Variants in BMPER observed in about 807,000 individuals in gnomAD.
The protein encoded by BMPER is BMP-binding endothelial regulator protein.
BMPER carries 45 observed loss-of-function variants against 87.3 expected under a neutral mutation model. That is an observed-to-expected ratio of 0.52 (90% CI 0.41 to 0.66). The LOEUF (loss-of-function observed/expected upper bound fraction) is 0.66, where lower values mean the gene tolerates loss of function less well. Ranked by LOEUF, BMPER falls within the 30% of genes least tolerant of loss-of-function variation. The pLI is 0.00. For synonymous variants in BMPER, 326 were observed against 316.2 expected, an observed-to-expected ratio of 1.03 and a Z score of -0.33; for missense variants, 784 against 867.5, an observed-to-expected ratio of 0.90 and a Z score of 1.21.
chr7:34,001,350 G>A (rs936524322), intron 6 of BMPER, among the ~76,000 whole-genome samples: 1 of 151,716 alleles, frequency 6.6e-6, no homozygotes, highest in Admixed American at 6.6e-5. Flanking sequence ...TCTTCATATG[G>A]CATGAATATG....
chr7:34,039,793 G>A (rs936555861), intron 6 of BMPER, among the ~76,000 whole-genome samples: 2 of 152,060 alleles, frequency 1.3e-5, no homozygotes, highest in Non-Finnish European at 2.9e-5. Context: ...GGCAGTAAGT[G>A]CACTGCCCTC....
intron 13 of BMPER, among the ~76,000 whole-genome samples, chr7:34,101,222 T>G (rs113864059): frequency 6.8e-4 from 104 of 152,316 alleles, no homozygotes; most frequent in African/African-American, 2.4e-3. Context: ...ATCACGACGT[T>G]TTTTTCCCAT....
intron 11 of BMPER, among the ~76,000 whole-genome samples, chr7:34,064,355 G>A (rs1166559865): frequency 6.6e-6 from 1 of 151,604 alleles, no homozygotes; most frequent in Non-Finnish European, 1.5e-5. Flanking sequence ...ACTTTATTTT[G>A]CAAGGATCAA....
chr7:34,056,228 G>A (rs547700895), intron 9 of BMPER, among the ~76,000 whole-genome samples: 1 of 152,236 alleles, frequency 6.6e-6, no homozygotes, highest in South Asian at 2.1e-4. Flanking sequence ...CACACACTAG[G>A]GCCTGTTGGG....
intron 5 of BMPER, among the ~76,000 whole-genome samples, chr7:33,974,285 A>T (rs187009026): frequency 6.6e-6 from 1 of 151,950 alleles, no homozygotes; most frequent in Non-Finnish European, 1.5e-5. Context: ...CTTCTTAGGT[A>T]CTCATTGAAT....
chr7:34,106,354 T>C (rs1346339440), intron 13 of BMPER, among the ~76,000 whole-genome samples: 1 of 152,356 alleles, frequency 6.6e-6, no homozygotes, highest in East Asian at 1.9e-4. Flanking sequence ...GGTCATACGT[T>C]TGGATAACTT....
At chr7:33,979,344 C>A (rs1048646264) in intron 6 of BMPER, among the ~76,000 whole-genome samples, 2 of 151,210 alleles carry the variant, frequency 1.3e-5, no homozygotes, top group African/African-American at 2.4e-5. Context: ...GTTACCACCA[C>A]CCCCCTGCAA....
intron 13 of BMPER, among the ~76,000 whole-genome samples, chr7:34,125,929 A>G (rs1192810502): frequency 6.6e-6 from 1 of 152,214 alleles, no homozygotes; most frequent in African/African-American, 2.4e-5. Flanking sequence ...AGCATTTGCC[A>G]TTCCACAGAT....
chr7:34,133,243 C>A (rs1042962318), intron 13 of BMPER, among the ~76,000 whole-genome samples: 1 of 152,060 alleles, frequency 6.6e-6, no homozygotes, highest in Non-Finnish European at 1.5e-5. Flanking sequence ...CTCTAGCCTC[C>A]AAGGAGGGGA....
intron 8 of BMPER, among the ~76,000 whole-genome samples, chr7:34,052,551 T>C (rs990316192): frequency 3.3e-5 from 5 of 152,236 alleles, no homozygotes; most frequent in African/African-American, 9.6e-5. Context: ...ACTGTACTTA[T>C]GCAGTAATTT....
chr7:34,111,843 A>T (rs566338172), intron 13 of BMPER, among the ~76,000 whole-genome samples: 1 of 152,254 alleles, frequency 6.6e-6, no homozygotes, highest in East Asian at 1.9e-4. Context: ...CCTCCCAAGT[A>T]GCTGGGATTA....
intron 9 of BMPER, among the ~76,000 whole-genome samples, 155 bp from the exon 10 acceptor site, chr7:34,057,904 A>G (rs1788326385): frequency 2.0e-5 from 3 of 152,072 alleles, no homozygotes; most frequent in Non-Finnish European, 4.4e-5. Flanking sequence ...ATCTTAAATC[A>G]GTTGGATGTA....
At position 34,156,254 on chromosome 7, in the gene BMPER, T is replaced by C. The variant is rs1791298520; in HGVS notation, c.*2981T>C. Among the ~76,000 whole-genome samples, 1 of 152,190 alleles carries C rather than the reference T, an allele frequency of 6.6e-6. No homozygotes were observed. The highest frequency in any genetic ancestry group is 6.5e-5 in the Admixed American group (1 of 15,286). On this transcript the variant is annotated 3_prime_UTR_variant, in exon 15 of 15. Coordinates refer to ENST00000649409, the MANE Select transcript of BMPER (RefSeq NM_001365308.1). ...TGAAACACGGATAAACCATTTCAAC[T>C]GGAAAACTCTTCCTTTTTATGAGAT...
Position 34,017,809 on chromosome 7 carries a change from A to G in BMPER, c.577-28497A>G, listed in dbSNP as rs370867061. Among the ~76,000 whole-genome samples, 6 of 151,996 alleles carry G rather than the reference A, an allele frequency of 3.9e-5. No individual in the cohort carries two copies. In the East Asian group the frequency reaches 9.8e-4, roughly 25 times the overall value. On this transcript the variant is annotated intron_variant, in intron 6 of 14. Transcript: ENST00000649409. ...CTGGTCCATGCTTTAGGAATCACTT[A>G]TCTAAAGGGAGAGCCAGCTGTTGAT...
chr7:34,098,179 G>C (rs1024132010), intron 13 of BMPER, among the ~76,000 whole-genome samples: 3 of 152,050 alleles, frequency 2.0e-5, no homozygotes, highest in Non-Finnish European at 4.4e-5. Flanking sequence ...GAACCACCCT[G>C]GTAACTTTTA....
chr7:33,948,482 A>T (rs1183287691), intron 3 of BMPER, among the ~76,000 whole-genome samples: 1 of 152,172 alleles, frequency 6.6e-6, no homozygotes, highest in Non-Finnish European at 1.5e-5. Flanking sequence ...TTGGCATATA[A>T]TGTGGTTTGT....
At chr7:34,001,046 A>G (rs999156544) in intron 6 of BMPER, among the ~76,000 whole-genome samples, 2 of 151,844 alleles carry the variant, frequency 1.3e-5, no homozygotes, top group African/African-American at 4.8e-5. Flanking sequence ...CACATGCTAT[A>G]TCTTTTTTTT....
At chr7:34,074,551 G>A (rs555203682) in intron 11 of BMPER, among the ~76,000 whole-genome samples, 2 of 152,220 alleles carry the variant, frequency 1.3e-5, no homozygotes, top group African/African-American at 4.8e-5. Flanking sequence ...TGGAGCCCCT[G>A]CATGACACAG....
At chr7:33,982,845 T>TTA (rs1295479509) in intron 6 of BMPER, among the ~76,000 whole-genome samples, 2 of 152,178 alleles carry the variant, frequency 1.3e-5, no homozygotes, top group African/African-American at 2.4e-5. Flanking sequence ...CATTGATCAT[T>TTA]ACCTAGACAA....
Sources: gnomAD v4.1 joint callset for allele counts (sites outside exome capture counted in the v4.1 genomes callset) on GRCh38, gnomAD v4.1.1 for gene constraint, MANE v1.5 for transcripts, NCBI Gene and HGNC (gene_info 2026-07-23, HGNC 2026-07-21) for gene names.